The following RNF169 variants were observed in gnomAD, a reference collection of about 807,000 sequenced individuals.
RNF169 encodes E3 ubiquitin-protein ligase RNF169.
RNF169 carries 24 observed loss-of-function variants against 53.9 expected under a neutral mutation model. The ratio of observed to expected loss-of-function variants is 0.45; its 90% CI spans 0.32 to 0.63. The LOEUF (loss-of-function observed/expected upper bound fraction) is 0.63. Among genes scored for constraint, RNF169 ranks in the 20% least tolerant of loss-of-function variants. RNF169 has a pLI of 0.04. For missense variants in RNF169, 883 were observed against 906.2 expected (o/e 0.97, Z 0.33); for synonymous variants, 396 against 363.5 (o/e 1.09, Z -1.02).
intron 4 of RNF169, chr11:74,832,330 G>C (rs1470674198): frequency 6.7e-6 from 1 of 148,772 alleles, no homozygotes; most frequent in Non-Finnish European, 1.5e-5. Flanking sequence ...TTTGGTCACT[G>C]CAAGTGTGTT....
chr11:74,838,065 G>C lies in RNF169; in HGVS notation c.*1335G>C, dbSNP rs1381528521. The stretch of plus-strand genomic sequence containing the variant: ...ATGTTGTTTCCTTTGAGTAGCCCCA[G>C]CAGGATACTGCTTAGTTTTTCCAGT... On this transcript the variant is annotated 3_prime_UTR_variant, in exon 6 of 6. Transcript: ENST00000299563. 1 of 152,158 alleles carries C rather than the reference G, an allele frequency of 6.6e-6. No individual in the cohort carries two copies. The highest frequency in any genetic ancestry group is 2.4e-5 in the African/African-American group (1 of 41,430). The allele number at this position is 152,158 out of a possible 1,614,324, so 9.4% of individuals were successfully genotyped here. A position where few individuals can be genotyped will look rare whatever the true frequency, so the allele number is the denominator to read the frequency against.
At chr11:74,770,043 C>G (rs1244345708) in intron 1 of RNF169, among the ~76,000 whole-genome samples, 1 of 152,222 alleles carries the variant, frequency 6.6e-6, no homozygotes, top group Non-Finnish European at 1.5e-5. Flanking sequence ...CCTCCTGCCT[C>G]AGTCTCTCAA....
intron 4 of RNF169, among the ~76,000 whole-genome samples, chr11:74,822,697 C>T (rs192481242): frequency 1.3e-5 from 2 of 152,282 alleles, no homozygotes; most frequent in Non-Finnish European, 2.9e-5. Context: ...GATGATGACA[C>T]CTGTGTCATA....
chr11:74,751,484 T>G (rs1163305972), intron 1 of RNF169, among the ~76,000 whole-genome samples: 1 of 152,252 alleles, frequency 6.6e-6, no homozygotes, highest in East Asian at 1.9e-4. Flanking sequence ...TTTTGATTTC[T>G]AAGCTTGGAG....
At chr11:74,784,623 G>T (rs985305282) in intron 1 of RNF169, among the ~76,000 whole-genome samples, 2 of 152,178 alleles carry the variant, frequency 1.3e-5, no homozygotes, top group Admixed American at 6.5e-5. Context: ...TTAGTGATTG[G>T]GGTTTATATT....
At chr11:74,760,451 G>A (rs1268172299) in intron 1 of RNF169, among the ~76,000 whole-genome samples, 1 of 152,032 alleles carries the variant, frequency 6.6e-6, no homozygotes, top group Non-Finnish European at 1.5e-5. Context: ...GGCATTCAGT[G>A]CTATAAATTT....
At position 74,836,198 on chromosome 11, in the gene RNF169, C is replaced by T; in HGVS notation, c.1595C>T (p.Ser532Leu). Residue 532 changes from serine to leucine, a missense_variant, in exon 6 of 6, where the codon TCA becomes TTA. By Grantham distance (145) the Ser-to-Leu change is moderately radical (BLOSUM62 -2). This residue lies in a region of RNF169 where 351 missense variants were observed against 337.3 expected (regional missense o/e 1.04). Coordinates refer to ENST00000299563, the MANE Select transcript of RNF169 (RefSeq NM_001098638.2). The stretch of plus-strand genomic sequence containing the variant: ...ATCCCACTGGAAACCTGCTGTTCCT[C>T]AGAACTCAAAGGGGGAGGCAGTGGG... ...TEIPLETCCS[S>L]ELKGGGSGTS... is the part of the protein sequence containing the mutation. 2.5e-6 allele frequency: 4 copies of T among 1,614,148 alleles called. No individual in the cohort carries two copies. The highest frequency in any genetic ancestry group is 1.3e-5 in the African/African-American group (1 of 75,026).
At chr11:74,818,407 T>G (rs747611195) in intron 4 of RNF169, among the ~76,000 whole-genome samples, 2 of 152,318 alleles carry the variant, frequency 1.3e-5, no homozygotes, top group Admixed American at 6.5e-5. Flanking sequence ...CAATCTTTTT[T>G]TTTTAGACAG....
rs1052371233 is a variant in RNF169 at position 74,753,168 on chromosome 11, A to T, written c.502+3786A>T. Among the ~76,000 whole-genome samples the T allele has an allele frequency of 4.1e-4, 63 of 152,202 alleles. 1 individual carries two copies. Among genetic ancestry groups the T allele is most frequent in the African/African-American group, 1.5e-3 (61 of 41,534 alleles). ...TTTTTAGTAGAGACGGGGTTTCTCC[A>T]TGTTGATCAGGCTGGTCTCAAACTC... is the stretch of plus-strand genomic sequence containing the variant. On this transcript the variant is annotated intron_variant, in intron 1 of 5. Coordinates refer to ENST00000299563, the MANE Select transcript of RNF169 (RefSeq NM_001098638.2).
chr11:74,818,470 G>A (rs2035968080), intron 4 of RNF169, among the ~76,000 whole-genome samples: 1 of 151,846 alleles, frequency 6.6e-6, no homozygotes, highest in Non-Finnish European at 1.5e-5. Context: ...ATGGTTCACT[G>A]TAGCCTCAAT....
intron 2 of RNF169, 23 bp downstream of exon 2, chr11:74,789,722 A>G: frequency 6.9e-7 from 1 of 1,449,392 alleles, no homozygotes; most frequent in South Asian, 1.2e-5. Flanking sequence ...CATGTCATTC[A>G]TTTTCTTAAA....
intron 1 of RNF169, among the ~76,000 whole-genome samples, chr11:74,768,523 C>CT (rs2035209681): frequency 6.6e-6 from 1 of 151,664 alleles, no homozygotes; most frequent in East Asian, 1.9e-4. Flanking sequence ...AGGAGATTCG[C>CT]TTTAACCTGG....
chr11:74,826,799 T>C (rs2135141436), intron 4 of RNF169, among the ~76,000 whole-genome samples: 1 of 152,338 alleles, frequency 6.6e-6, no homozygotes, highest in South Asian at 2.1e-4. Flanking sequence ...CTCCTTTGAC[T>C]CCATGTCTCA....
At chr11:74,770,973 T>C (rs557861350) in intron 1 of RNF169, among the ~76,000 whole-genome samples, 9 of 151,968 alleles carry the variant, frequency 5.9e-5, no homozygotes, top group African/African-American at 2.2e-4. Flanking sequence ...GTCTGGCTAA[T>C]TTTTTTTATT....
chr11:74,832,434 A>T (rs2036193551), intron 4 of RNF169: 1 of 152,062 alleles, frequency 6.6e-6, no homozygotes, highest in South Asian at 2.1e-4. Context: ...TGTGTATCTG[A>T]TAACGTAGGC....
At chr11:74,808,047 T>C (rs749570941) in intron 2 of RNF169, 11 of 152,130 alleles carry the variant, frequency 7.2e-5, no homozygotes, top group Non-Finnish European at 1.6e-4. Context: ...AAGTGCGTTG[T>C]CAAAAACTTT....
intron 1 of RNF169, among the ~76,000 whole-genome samples, chr11:74,768,153 GTTAAAA>G (rs1378440701): frequency 2.0e-5 from 3 of 152,300 alleles, no homozygotes; most frequent in South Asian, 2.1e-4. Context: ...AATAATTAAT[GTTAAAA>G]TTAAAGAGCA....
intron 4 of RNF169, among the ~76,000 whole-genome samples, chr11:74,824,520 G>A (rs989386680): frequency 1.3e-5 from 2 of 150,116 alleles, no homozygotes; most frequent in African/African-American, 2.5e-5. Flanking sequence ...GAAGTTCTGT[G>A]ACTCCAAAGT....
chr11:74,778,571 A>G (rs2035370183), intron 1 of RNF169, among the ~76,000 whole-genome samples: 1 of 152,210 alleles, frequency 6.6e-6, no homozygotes, highest in African/African-American at 2.4e-5. Context: ...TAAACGAGAC[A>G]TGGAGTTTTC....
Sources: gnomAD v4.1 joint callset for allele counts (sites outside exome capture counted in the v4.1 genomes callset) on GRCh38, gnomAD v4.1.1 for gene constraint, gnomAD v4.1.1 regional missense constraint, MANE v1.5 for transcripts, NCBI Gene and HGNC (gene_info 2026-07-23, HGNC 2026-07-21) for gene names.